RAB3IL1: variants seen among roughly 807,000 people sequenced by gnomAD.
RAB3IL1 encodes the protein RAB3A interacting protein like 1.
RAB3IL1 carries 37 observed loss-of-function variants against 49.2 expected under a neutral mutation model. The ratio of observed to expected loss-of-function variants is 0.75; its 90% CI spans 0.58 to 0.99. The LOEUF is 0.99. Among genes scored for constraint, RAB3IL1 ranks in the 50% least tolerant of loss-of-function variants. RAB3IL1 has a pLI of 0.00. For synonymous variants in RAB3IL1, 193 were observed against 213.9 expected (o/e 0.90, Z 0.85); for missense variants, 484 against 513.0 (o/e 0.94, Z 0.55).
chr11:61,917,345 G>A lies in RAB3IL1; in HGVS notation c.11+12C>T. 7.7e-7 allele frequency: 1 copy of A among 1,306,282 alleles called. No homozygotes were observed. The allele number at this position is 1,306,282 out of a possible 1,614,324, so 80.9% of individuals were successfully genotyped here. ...AGACCCAGCGCGGGACCGCGAGCGCGCGCGGACCTACCCGCTCCACATCCC... is the reference window on the plus strand; with the variant it reads ...AGACCCAGCGCGGGACCGCGAGCGCACGCGGACCTACCCGCTCCACATCCC... On this transcript the variant is annotated intron_variant, in intron 1 of 9. Coordinates refer to ENST00000394836, the MANE Select transcript of RAB3IL1 (RefSeq NM_013401.4).
chr11:61,900,068 GC>G (rs35385596), intron 8 of RAB3IL1, among the ~76,000 whole-genome samples: 1 of 152,190 alleles, frequency 6.6e-6, no homozygotes, highest in African/African-American at 2.4e-5. Context: ...GCTCAGAGGT[GC>G]CCCCCTCTGT....
At chr11:61,934,450 GTATATATATATATATATATATA>G in the RAB3IL1 span, among the ~76,000 whole-genome samples, 150 of 31,630 alleles carry the variant, frequency 4.7e-3, 4 homozygotes, top group African/African-American at 0.012. Context: ...GTGTGTGTAT[GTATATATATATATATATATATA>G]TATATATATA....
At chr11:61,945,364 C>T in the RAB3IL1 span, among the ~76,000 whole-genome samples, 5 of 152,126 alleles carry the variant, frequency 3.3e-5, no homozygotes, top group East Asian at 1.9e-4. Context: ...CAGTGGCCAC[C>T]GCAGCGCTAA....
the RAB3IL1 span, among the ~76,000 whole-genome samples, chr11:61,928,025 A>T: frequency 6.6e-6 from 1 of 152,168 alleles, no homozygotes; most frequent in East Asian, 1.9e-4. Flanking sequence ...TCATTGAAGG[A>T]TTTACGCAGG....
chr11:61,940,180 G>A, the RAB3IL1 span, among the ~76,000 whole-genome samples: 6 of 152,116 alleles, frequency 3.9e-5, no homozygotes, highest in Non-Finnish European at 8.8e-5. Context: ...AGTAGCTCAC[G>A]CCTGTAATCC....
chr11:61,906,692 G>T lies in RAB3IL1; in HGVS notation c.439-8C>A. On this transcript the variant is annotated splice_polypyrimidine_tract_variant and splice_region_variant and intron_variant, in intron 4 of 9. Coordinates refer to ENST00000394836, the MANE Select transcript of RAB3IL1 (RefSeq NM_013401.4). This position sits in a 1 kb window ranked among gnomAD's most constrained non-coding sequence, Gnocchi z 4.6. ...TGCCTGCAGCATGTCGATCTGCATG[G>T]GATGGGATGGCTGTCAACCCTCACC... 1 of 1,600,634 alleles carries T rather than the reference G, an allele frequency of 6.2e-7. No individual in the cohort carries two copies.
chr11:61,902,587 C>T (rs753666686), intron 7 of RAB3IL1, 46 bp from the exon 8 acceptor site: 1 of 1,506,638 alleles, frequency 6.6e-7, no homozygotes, highest in East Asian at 2.4e-5. Context: ...GGGGCTTGCC[C>T]CTCTCCCTCA....
At chr11:61,931,390 C>T in the RAB3IL1 span, among the ~76,000 whole-genome samples, 3 of 152,196 alleles carry the variant, frequency 2.0e-5, no homozygotes, top group Non-Finnish European at 4.4e-5. Flanking sequence ...CAGACAGCCC[C>T]TCTATGGGAC....
chr11:61,906,612 G>T lies in RAB3IL1; in HGVS notation c.511C>A (p.Arg171Ser). The T allele has an allele frequency of 6.2e-7, 1 of 1,611,984 alleles. No homozygotes were observed. ...VITSTPASPN[R>S]ELHPQLLSPT... The stretch of plus-strand genomic sequence containing the variant: ...CTCAGCAGCTGGGGGTGAAGCTCGC[G>T]GTTGGGAGAGGCTGGTGTGGACGTG... Residue 171 changes from arginine (R) to serine (S), a missense_variant, in exon 5 of 10, where the codon CGC (arginine) becomes AGC (serine). Transcript: ENST00000394836. The surrounding 1 kb of genome is among the most constrained non-coding windows in gnomAD (Gnocchi z 4.6).
the RAB3IL1 span, among the ~76,000 whole-genome samples, chr11:61,944,632 C>T: frequency 6.6e-6 from 1 of 152,188 alleles, no homozygotes; most frequent in South Asian, 2.1e-4. Flanking sequence ...AAATTATTCA[C>T]TTTTCTATCT....
intron 8 of RAB3IL1, among the ~76,000 whole-genome samples, chr11:61,900,174 A>G (rs1490272468): frequency 6.6e-6 from 1 of 152,220 alleles, no homozygotes; most frequent in Admixed American, 6.5e-5. Flanking sequence ...CTCTGCTAAG[A>G]GCCCGGTGGA....
chr11:61,934,058 A>G, the RAB3IL1 span, among the ~76,000 whole-genome samples: 6 of 152,154 alleles, frequency 3.9e-5, no homozygotes, highest in African/African-American at 1.4e-4. Context: ...TCCCTGTTCT[A>G]TAGAGGTAGA....
At chr11:61,908,898 G>A (rs1333018139) in intron 1 of RAB3IL1, among the ~76,000 whole-genome samples, 1 of 152,208 alleles carries the variant, frequency 6.6e-6, no homozygotes, top group Admixed American at 6.5e-5. Context: ...CCCTGGACTT[G>A]GTGGGGAGCA....
At chr11:61,920,962 A>AT (rs566792657), upstream of RAB3IL1, among the ~76,000 whole-genome samples, 40 of 152,024 alleles carry the variant, frequency 2.6e-4, no homozygotes, top group African/African-American at 6.0e-4. Context: ...GTTATTTTTT[A>AT]TTTTTTTTCT....
At position 61,904,835 on chromosome 11, in the gene RAB3IL1, G is replaced by C. The variant is rs747984294; in HGVS notation, c.705C>G (p.Pro235=). 2 of 1,610,126 alleles carry C rather than the reference G, an allele frequency of 1.2e-6. No homozygotes were observed. The highest frequency in any genetic ancestry group is 1.7e-5 in the Admixed American group (1 of 59,878). Residue 235 remains proline (P), a synonymous_variant, in exon 6 of 10, where the codon CCC becomes CCG. Coordinates refer to ENST00000394836, the MANE Select transcript of RAB3IL1 (RefSeq NM_013401.4). ...GGAAGGGGCAGGTCTTGTCCAGGGT[G>C]GGGGATTCCCTCCAGGCCTGGAACT... ...FAEFQAWRES[P]TLDKTCPFLE...
chr11:61,919,449 T>C (rs1289160107), upstream of RAB3IL1, among the ~76,000 whole-genome samples: 1 of 152,128 alleles, frequency 6.6e-6, no homozygotes, highest in East Asian at 1.9e-4. Context: ...CTGAACTTGC[T>C]CCTCAGTTGA....
Position 61,908,134 on chromosome 11 carries a change from A to T in RAB3IL1, c.184T>A (p.Leu62Met). Reference protein sequence around the residue: ...EGPAAAQLDVLRLRSSSMEIR... With the variant: ...EGPAAAQLDVMRLRSSSMEIR... The stretch of plus-strand genomic sequence containing the variant: ...TCCATGGAAGAGCTGCGCAGGCGCA[A>T]CACGTCCAGCTGGGCGGCTGCGGGG... Residue 62 changes from leucine (L) to methionine (M), a missense_variant, in exon 2 of 10, where the codon TTG becomes ATG. Transcript: ENST00000394836. 4 of 1,600,716 alleles carry T rather than the reference A, an allele frequency of 2.5e-6. No individual in the cohort carries two copies. Among genetic ancestry groups the T allele is most frequent in the Middle Eastern group, 1.7e-4 (1 of 6,048 alleles).
At chr11:61,941,233 A>G in the RAB3IL1 span, among the ~76,000 whole-genome samples, 1 of 152,318 alleles carries the variant, frequency 6.6e-6, no homozygotes, top group South Asian at 2.1e-4. Flanking sequence ...ATGCCTAGAA[A>G]CCAAAACTTC....
chr11:61,907,561 G>A lies in RAB3IL1; in HGVS notation c.360+4C>T. ...CAAGTTGTTCCCGCGCCCAGCCGGT[G>A]TACCTCAAACAGGCTGGCCGTCAGC... On this transcript the variant is annotated splice_donor_region_variant and intron_variant, in intron 3 of 9. Transcript: ENST00000394836. 6.2e-7 allele frequency: 1 copy of A among 1,614,044 alleles called. No homozygotes were observed. The highest frequency in any genetic ancestry group is 8.5e-7 in the Non-Finnish European group (1 of 1,179,946).
Sources: allele counts gnomAD v4.1 joint callset (sites outside exome capture counted in the v4.1 genomes callset), GRCh38; gene constraint gnomAD v4.1.1; non-coding constraint Gnocchi (gnomAD v3.1); transcripts MANE v1.5; gene names NCBI Gene and HGNC (gene_info 2026-07-23, HGNC 2026-07-21).